CDK14: variants seen among roughly 807,000 people sequenced by gnomAD.
The protein encoded by CDK14 is cyclin-dependent kinase 14.
A neutral mutation model predicts 60.7 loss-of-function variants in CDK14; 34 were observed. The observed-to-expected ratio is 0.56, with a 90% CI of 0.43 to 0.75. CDK14 has a LOEUF of 0.75. Among genes scored for constraint, CDK14 ranks in the 30% least tolerant of loss-of-function variants. The probability of loss-of-function intolerance (pLI) is 0.00; values close to 1 mark genes in which losing one functional copy is unlikely to be tolerated. For missense variants in CDK14, 482 were observed against 564.1 expected (o/e 0.85, Z 1.47); for synonymous variants, 197 against 203.7 (o/e 0.97, Z 0.28).
rs535201311 is a variant in CDK14 at position 91,175,214 on chromosome 7, A to G, written c.*29-31951A>G. ...TTCATATCCAGCCAAACTAAGCGTC[A>G]TAAGTGAAGGAGAAATAAAATAGTT... On this transcript the variant is annotated intron_variant, in intron 14 of 14. Coordinates refer to ENST00000380050, the MANE Select transcript of CDK14 (RefSeq NM_001287135.2). 2.6e-5 allele frequency among the ~76,000 whole-genome samples: 4 copies of G among 152,216 alleles called. No homozygotes were observed. The East Asian group carries it at 5.8e-4, about 22-fold the overall frequency.
At chr7:90,979,695 G>A (rs946347319) in intron 9 of CDK14, 3 of 152,188 alleles carry the variant, frequency 2.0e-5, no homozygotes, top group African/African-American at 7.2e-5. Context: ...TCATCGTCAT[G>A]CTAGAGGAAA....
intron 2 of CDK14, among the ~76,000 whole-genome samples, chr7:90,713,239 C>A (rs1209509694): frequency 6.6e-6 from 1 of 152,056 alleles, no homozygotes; most frequent in East Asian, 1.9e-4. Flanking sequence ...CAAGTTAAGG[C>A]CTCAGTGCTG....
At chr7:90,941,630 T>A (rs117151288) in intron 8 of CDK14, among the ~76,000 whole-genome samples, 23,324 of 151,720 alleles carry the variant, frequency 0.15, 2,015 homozygotes, top group Middle Eastern at 0.27. Flanking sequence ...TTTTTTTAAT[T>A]TTTTGTAGAC....
chr7:90,931,894 G>A (rs1207071587), intron 8 of CDK14, among the ~76,000 whole-genome samples: 2 of 152,040 alleles, frequency 1.3e-5, no homozygotes, highest in East Asian at 1.9e-4. Flanking sequence ...ACTTATCTTA[G>A]ATTGAAGCTA....
intron 11 of CDK14, among the ~76,000 whole-genome samples, chr7:91,061,583 G>A (rs1797787664): frequency 6.6e-6 from 1 of 152,122 alleles, no homozygotes; most frequent in Admixed American, 6.5e-5. Context: ...GTTTTGGTGT[G>A]GGTGTCCTTT....
At chr7:90,675,313 G>T (rs1215566310) in intron 2 of CDK14, among the ~76,000 whole-genome samples, 1 of 151,922 alleles carries the variant, frequency 6.6e-6, no homozygotes, top group Non-Finnish European at 1.5e-5. Flanking sequence ...CTTATAACTG[G>T]TATAGTCTGG....
intron 8 of CDK14, among the ~76,000 whole-genome samples, chr7:90,940,106 G>A (rs1264000772): frequency 2.0e-5 from 3 of 152,082 alleles, no homozygotes; most frequent in East Asian, 3.8e-4. Flanking sequence ...TGTGCACCCT[G>A]TAATAGACAT....
At chr7:90,672,757 A>T (rs1187085373) in intron 2 of CDK14, among the ~76,000 whole-genome samples, 3 of 151,762 alleles carry the variant, frequency 2.0e-5, no homozygotes. Flanking sequence ...CTCCTGGGTC[A>T]TCCACCCACC....
At position 91,208,365 on chromosome 7, in the gene CDK14, C is replaced by T. The variant is rs947477747; in HGVS notation, c.*1229C>T. On this transcript the variant is annotated 3_prime_UTR_variant, in exon 15 of 15. Transcript: ENST00000380050. ...GTATGTGACACTGGAGAAAAGTGGA[C>T]CAGGCATGTCTTTTGCTTTGATCTG... The T allele has an allele frequency of 1.3e-5, 2 of 152,654 alleles. No homozygotes were observed. The highest frequency in any genetic ancestry group is 2.9e-5 in the Non-Finnish European group (2 of 68,078). The allele number at this position is 152,654 out of a possible 1,614,324, so 9.5% of individuals were successfully genotyped here.
At chr7:90,966,809 A>G (rs917729116) in intron 9 of CDK14, among the ~76,000 whole-genome samples, 1 of 152,034 alleles carries the variant, frequency 6.6e-6, no homozygotes, top group African/African-American at 2.4e-5. Context: ...ACTTTTTCCA[A>G]GTTGCTGTAG....
chr7:90,943,841 C>T (rs2117519939), intron 8 of CDK14, among the ~76,000 whole-genome samples: 1 of 152,254 alleles, frequency 6.6e-6, no homozygotes, highest in Admixed American at 6.5e-5. Flanking sequence ...GGTCCTGCTA[C>T]AGTTTGAGTG....
chr7:91,081,016 C>T (rs911712391), intron 12 of CDK14, among the ~76,000 whole-genome samples: 6 of 152,116 alleles, frequency 3.9e-5, no homozygotes, highest in South Asian at 2.1e-4. Flanking sequence ...TTGTTTAGAA[C>T]GATGCTATTT....
intron 2 of CDK14, among the ~76,000 whole-genome samples, chr7:90,725,312 T>C (rs6966074): frequency 0.4 from 60,198 of 152,000 alleles, 12,520 homozygotes; most frequent in East Asian, 0.67. Flanking sequence ...TTTTCCTGTA[T>C]ACTTTTCACC....
intron 4 of CDK14, among the ~76,000 whole-genome samples, chr7:90,778,969 G>A (rs990746123): frequency 3.3e-5 from 5 of 149,274 alleles, no homozygotes; most frequent in African/African-American, 1.2e-4. Context: ...TAAGACATGG[G>A]CAACTGGACA....
chr7:90,602,094 ACTGCAC>A (rs1298423587), intron 1 of CDK14, among the ~76,000 whole-genome samples: 2 of 152,150 alleles, frequency 1.3e-5, no homozygotes, highest in African/African-American at 4.8e-5. Flanking sequence ...GGTGTGAGCC[ACTGCAC>A]CTGGTGGGGT....
intron 2 of CDK14, among the ~76,000 whole-genome samples, chr7:90,615,578 T>G (rs2116354273): frequency 6.6e-6 from 1 of 152,316 alleles, no homozygotes; most frequent in East Asian, 1.9e-4. Flanking sequence ...TATGTTTTGG[T>G]ATTTTTTTTG....
chr7:90,753,233 C>A (rs1024263170), intron 4 of CDK14, among the ~76,000 whole-genome samples: 4 of 151,878 alleles, frequency 2.6e-5, no homozygotes, highest in African/African-American at 9.7e-5. Context: ...GAACAAAAAT[C>A]CTAAACAAAA....
chr7:90,607,141 C>T (rs925207713), intron 2 of CDK14, among the ~76,000 whole-genome samples: 1 of 152,168 alleles, frequency 6.6e-6, no homozygotes, highest in Admixed American at 6.5e-5. Context: ...CAGAAAAGAG[C>T]ACTAAAACTC....
intron 3 of CDK14, among the ~76,000 whole-genome samples, chr7:90,743,564 C>T (rs1348672356): frequency 6.6e-6 from 1 of 152,130 alleles, no homozygotes; most frequent in Admixed American, 6.5e-5. Flanking sequence ...TTATTAGTTA[C>T]TTGCTTGCTC....
Sources: allele counts gnomAD v4.1 joint callset (sites outside exome capture counted in the v4.1 genomes callset), GRCh38; gene constraint gnomAD v4.1.1; transcripts MANE v1.5; gene names NCBI Gene and HGNC (gene_info 2026-07-23, HGNC 2026-07-21).